The following CHST9 variants were observed in gnomAD, a reference collection of about 807,000 sequenced individuals.
CHST9 encodes carbohydrate sulfotransferase 9.
Under a neutral mutation model 44.4 loss-of-function variants are expected in CHST9, and 41 were observed. That is an observed-to-expected ratio of 0.92 (90% confidence interval 0.72 to 1.20). The LOEUF (loss-of-function observed/expected upper bound fraction) is 1.20. CHST9 is among the 50% of genes most tolerant of loss of function. The pLI is 0.00. For synonymous variants in CHST9, 171 were observed against 178.4 expected (o/e 0.96, Z 0.33); for missense variants, 504 against 516.5 (o/e 0.98, Z 0.23).
intron 2 of CHST9, among the ~76,000 whole-genome samples, chr18:27,114,617 A>G (rs1315116943): frequency 6.6e-6 from 1 of 152,218 alleles, no homozygotes; most frequent in Non-Finnish European, 1.5e-5. Context: ...ATTAGCAGTC[A>G]ACCCTCAGCC....
intron 1 of CHST9, among the ~76,000 whole-genome samples, chr18:27,163,836 G>T (rs1437663210): frequency 6.6e-6 from 1 of 152,082 alleles, no homozygotes; most frequent in Non-Finnish European, 1.5e-5. Flanking sequence ...CCCACTTTCT[G>T]ATACTCCCCA....
At chr18:26,972,357 CAA>C (rs887066938) in intron 4 of CHST9, among the ~76,000 whole-genome samples, 6,970 of 65,060 alleles carry the variant, frequency 0.11, 132 homozygotes, top group South Asian at 0.17. Context: ...ACTCCAACTC[CAA>C]AAAAAAAAAA....
At chr18:27,111,417 A>G (rs1271008155) in intron 2 of CHST9, among the ~76,000 whole-genome samples, 1 of 152,228 alleles carries the variant, frequency 6.6e-6, no homozygotes, top group Non-Finnish European at 1.5e-5. Flanking sequence ...GGTAGAAATG[A>G]GAGTTGAGTC....
intron 2 of CHST9, among the ~76,000 whole-genome samples, chr18:27,056,603 G>T (rs1293244961): frequency 6.6e-6 from 1 of 152,172 alleles, no homozygotes; most frequent in Non-Finnish European, 1.5e-5. Context: ...ATCTCTACAT[G>T]TTTTGAGTGC....
intron 2 of CHST9, among the ~76,000 whole-genome samples, chr18:27,136,709 C>T (rs2058515844): frequency 1.3e-5 from 2 of 152,068 alleles, no homozygotes; most frequent in Non-Finnish European, 2.9e-5. Flanking sequence ...CCATTCTTGT[C>T]TACAAAAAGC....
chr18:27,046,007 C>A (rs985550367), intron 3 of CHST9, among the ~76,000 whole-genome samples: 1 of 151,916 alleles, frequency 6.6e-6, no homozygotes, highest in African/African-American at 2.4e-5. Flanking sequence ...TTTTGTTGAC[C>A]ACCATTATAC....
At chr18:27,083,932 T>A (rs754985589) in intron 2 of CHST9, among the ~76,000 whole-genome samples, 1 of 152,184 alleles carries the variant, frequency 6.6e-6, no homozygotes, top group Non-Finnish European at 1.5e-5. Flanking sequence ...GTTTGTGTGA[T>A]GAATCATATT....
intron 2 of CHST9, among the ~76,000 whole-genome samples, chr18:27,121,679 G>A (rs2058375679): frequency 6.6e-6 from 1 of 152,154 alleles, no homozygotes; most frequent in African/African-American, 2.4e-5. Flanking sequence ...ATCTGCTGAG[G>A]ATTGAGGATG....
intron 4 of CHST9, among the ~76,000 whole-genome samples, chr18:26,957,285 C>T (rs2056338465): frequency 6.6e-6 from 1 of 152,222 alleles, no homozygotes; most frequent in Admixed American, 6.5e-5. Flanking sequence ...GCCTATACTT[C>T]ATTCTCTGTC....
At chr18:27,045,548 G>T (rs2057490003) in intron 3 of CHST9, among the ~76,000 whole-genome samples, 1 of 151,878 alleles carries the variant, frequency 6.6e-6, no homozygotes, top group Non-Finnish European at 1.5e-5. Flanking sequence ...ATGACATCAG[G>T]TATTTGCCTC....
chr18:26,991,843 T>C (rs1274502903), intron 4 of CHST9, among the ~76,000 whole-genome samples: 1 of 126,890 alleles, frequency 7.9e-6, no homozygotes, highest in East Asian at 2.7e-4. Flanking sequence ...AGAGCAGTTT[T>C]GTAAAGTGAT....
intron 2 of CHST9, among the ~76,000 whole-genome samples, chr18:27,075,941 T>C (rs551686195): frequency 2.0e-5 from 3 of 152,310 alleles, no homozygotes; most frequent in Admixed American, 6.5e-5. Flanking sequence ...CCATACCCCC[T>C]TGATCCAGGT....
intron 4 of CHST9, among the ~76,000 whole-genome samples, chr18:27,009,481 T>C (rs576379278): frequency 2.0e-5 from 3 of 152,224 alleles, no homozygotes; most frequent in Admixed American, 6.5e-5. Flanking sequence ...TTTGGACTAA[T>C]GGAATTTGCC....
At chr18:27,012,177 C>A (rs1360541710) in intron 4 of CHST9, among the ~76,000 whole-genome samples, 4 of 152,088 alleles carry the variant, frequency 2.6e-5, no homozygotes, top group Admixed American at 2.0e-4. Context: ...GACCCTTGAA[C>A]AATACAGGGT....
intron 1 of CHST9, among the ~76,000 whole-genome samples, chr18:27,177,234 A>T (rs1197987951): frequency 6.6e-6 from 1 of 151,974 alleles, no homozygotes; most frequent in Admixed American, 6.6e-5. Flanking sequence ...TTGGGGAAAA[A>T]AATTACCCTC....
In CHST9 at chr18:26,909,165, T is replaced by C. The variant is rs2055407448; in HGVS notation, c.*7094A>G. The C allele has an allele frequency of 1.3e-5, 2 of 152,240 alleles. No individual in the cohort carries two copies. Among genetic ancestry groups the C allele is most frequent in the African/African-American group, 4.8e-5 (2 of 41,456 alleles). The allele number at this position is 152,240 out of a possible 1,614,324, so 9.4% of individuals were successfully genotyped here. A position where few individuals can be genotyped will look rare whatever the true frequency, so the allele number is the denominator to read the frequency against. On this transcript the variant is annotated 3_prime_UTR_variant, in exon 6 of 6. Coordinates refer to ENST00000618847, the MANE Select transcript of CHST9 (RefSeq NM_031422.6). ...AGACTTCGGACGCCAAGTTTCTGCT[T>C]CAGTGCTGGTCAAAATCCCACAGAG...
intron 2 of CHST9, among the ~76,000 whole-genome samples, chr18:27,137,675 T>C (rs763366169): frequency 6.6e-6 from 1 of 152,118 alleles, no homozygotes; most frequent in African/African-American, 2.4e-5. Context: ...ATAATCCAAT[T>C]TGTATTTTTA....
chr18:26,952,965 A>G (rs887068787), intron 4 of CHST9, among the ~76,000 whole-genome samples: 2 of 152,184 alleles, frequency 1.3e-5, no homozygotes, highest in Non-Finnish European at 2.9e-5. Context: ...TAGGTTTCCC[A>G]GAGGTATGCT....
chr18:26,999,971 G>A (rs1298023414), intron 4 of CHST9, among the ~76,000 whole-genome samples: 1 of 152,120 alleles, frequency 6.6e-6, no homozygotes, highest in Non-Finnish European at 1.5e-5. Context: ...AAAATAGGAG[G>A]GGAAACCCCT....
Sources: gnomAD v4.1 joint callset for allele counts (sites outside exome capture counted in the v4.1 genomes callset) on GRCh38, gnomAD v4.1.1 for gene constraint, MANE v1.5 for transcripts, NCBI Gene and HGNC (gene_info 2026-07-23, HGNC 2026-07-21) for gene names.